PCDH9: variants seen among roughly 807,000 people sequenced by gnomAD.
PCDH9 encodes protocadherin-9.
Under a neutral mutation model 70.6 loss-of-function variants are expected in PCDH9, and 24 were observed. That is an observed-to-expected ratio of 0.34 (90% CI 0.25 to 0.48). The LOEUF (loss-of-function observed/expected upper bound fraction) is 0.48, where lower values mean the gene tolerates loss of function less well. Among genes scored for constraint, PCDH9 ranks in the 20% least tolerant of loss-of-function variants. The probability of loss-of-function intolerance (pLI) is 0.99; values close to 1 mark genes in which losing one functional copy is unlikely to be tolerated. For synonymous variants in PCDH9, 562 were observed against 558.5 expected, an observed-to-expected ratio of 1.01 and a Z score of -0.09; for missense variants, 1,281 against 1,503.6, an observed-to-expected ratio of 0.85 and a Z score of 2.45.
chr13:66,650,075 A>G (rs1365759669), intron 3 of PCDH9, among the ~76,000 whole-genome samples: 1 of 151,988 alleles, frequency 6.6e-6, no homozygotes, highest in Non-Finnish European at 1.5e-5. Flanking sequence ...AAGAAAAGAA[A>G]GAAGAGAAGG....
At chr13:66,537,330 G>A (rs1188344521) in intron 4 of PCDH9, among the ~76,000 whole-genome samples, 2 of 151,876 alleles carry the variant, frequency 1.3e-5, no homozygotes, top group East Asian at 1.9e-4. Flanking sequence ...AATCTATATC[G>A]TCCATATTAA....
At chr13:66,778,691 G>A (rs925811713) in intron 3 of PCDH9, among the ~76,000 whole-genome samples, 4 of 152,164 alleles carry the variant, frequency 2.6e-5, no homozygotes, top group Non-Finnish European at 4.4e-5. Flanking sequence ...TTTCACATAA[G>A]TCCAGACTAC....
intron 4 of PCDH9, among the ~76,000 whole-genome samples, chr13:66,490,988 T>A (rs1334056585): frequency 6.6e-6 from 1 of 152,212 alleles, no homozygotes; most frequent in East Asian, 1.9e-4. Context: ...GCTAATTAAA[T>A]CCTCAGTTTA....
At chr13:67,019,694 G>A (rs2084637154) in intron 2 of PCDH9, among the ~76,000 whole-genome samples, 2 of 152,102 alleles carry the variant, frequency 1.3e-5, no homozygotes, top group Non-Finnish European at 2.9e-5. Flanking sequence ...AAGGAGATAA[G>A]GGGTAACCTC....
At position 67,226,873 on chromosome 13, in the gene PCDH9, ACTC is replaced by A; in HGVS notation, c.1565_1567del (p.Gly522del). The A allele has an allele frequency of 6.2e-7, 1 of 1,613,946 alleles. No homozygotes were observed. Among genetic ancestry groups the A allele is most frequent in the Non-Finnish European group, 8.5e-7 (1 of 1,179,992 alleles). ...GTCAAATACTCTGGAGGCTGTCAAA[ACTC>A]CTGTTTTTCGGTCCAGATCAAAGAA... On this transcript the variant is annotated inframe_deletion, in exon 2 of 5. Coordinates refer to ENST00000377865, the MANE Select transcript of PCDH9 (RefSeq NM_203487.3). The surrounding 1 kb of genome is among the most constrained non-coding windows in gnomAD (Gnocchi z 5.0).
At chr13:66,671,117 C>G (rs2078169477) in intron 3 of PCDH9, among the ~76,000 whole-genome samples, 2 of 151,982 alleles carry the variant, frequency 1.3e-5, no homozygotes, top group Non-Finnish European at 2.9e-5. Context: ...AGGGCAGTTC[C>G]CCTCTACATG....
At chr13:66,456,005 G>T (rs894425205) in intron 4 of PCDH9, among the ~76,000 whole-genome samples, 1 of 152,078 alleles carries the variant, frequency 6.6e-6, no homozygotes, top group African/African-American at 2.4e-5. Flanking sequence ...TCATTTATCT[G>T]ATTTGAAGGT....
intron 2 of PCDH9, among the ~76,000 whole-genome samples, chr13:67,026,488 C>T (rs1289116642): frequency 6.6e-6 from 1 of 152,082 alleles, no homozygotes; most frequent in Admixed American, 6.6e-5. Context: ...GAAGCATTCC[C>T]TTTGAAAACT....
At chr13:66,900,699 CATAAT>C (rs2082263003) in intron 3 of PCDH9, among the ~76,000 whole-genome samples, 1 of 151,658 alleles carries the variant, frequency 6.6e-6, no homozygotes, top group Admixed American at 6.6e-5. Flanking sequence ...TATCTAGTGT[CATAAT>C]ATAAATTTAA....
At chr13:67,199,182 T>A (rs1299622874) in intron 2 of PCDH9, among the ~76,000 whole-genome samples, 1 of 151,604 alleles carries the variant, frequency 6.6e-6, no homozygotes, top group Non-Finnish European at 1.5e-5. Context: ...TAAGTGAATA[T>A]GTATTATAAT....
chr13:66,777,414 G>C (rs2079915201), intron 3 of PCDH9, among the ~76,000 whole-genome samples: 1 of 151,660 alleles, frequency 6.6e-6, no homozygotes, highest in Non-Finnish European at 1.5e-5. Flanking sequence ...AATCTACAAT[G>C]AACTCAAACA....
chr13:66,997,037 G>C (rs1015860084), intron 2 of PCDH9, among the ~76,000 whole-genome samples: 1 of 152,160 alleles, frequency 6.6e-6, no homozygotes, highest in Non-Finnish European at 1.5e-5. Context: ...CCTTTCAAGA[G>C]ATAACACAGA....
intron 4 of PCDH9, among the ~76,000 whole-genome samples, chr13:66,346,015 G>T (rs73505858): frequency 6.6e-6 from 1 of 151,956 alleles, no homozygotes; most frequent in Non-Finnish European, 1.5e-5. Context: ...TCTTTTCCTC[G>T]TCAGATGGTA....
intron 2 of PCDH9, among the ~76,000 whole-genome samples, chr13:67,145,611 A>G (rs560973719): frequency 6.6e-6 from 1 of 151,992 alleles, no homozygotes; most frequent in African/African-American, 2.4e-5. Context: ...AAAAAAACCC[A>G]TCTTTTGAAG....
intron 2 of PCDH9, among the ~76,000 whole-genome samples, chr13:67,182,451 C>T (rs1214893302): frequency 6.6e-6 from 1 of 152,014 alleles, no homozygotes; most frequent in East Asian, 1.9e-4. Flanking sequence ...TTCGCTATAT[C>T]TTAGTCCAAA....
intron 3 of PCDH9, among the ~76,000 whole-genome samples, chr13:66,797,960 G>GTGTGTGTGTGTGTGT (rs1555270026): frequency 2.7e-5 from 4 of 147,166 alleles, no homozygotes; most frequent in African/African-American, 1.0e-4. Context: ...TTTCTTGGGG[G>GTGTGTGTGTGTGTGT]GTGTGTGTGT....
At chr13:66,768,902 AAAAC>A (rs1281221350) in intron 3 of PCDH9, among the ~76,000 whole-genome samples, 3 of 152,216 alleles carry the variant, frequency 2.0e-5, no homozygotes, top group East Asian at 1.9e-4. Context: ...CAGATAGTGC[AAAAC>A]AAACAAACAA....
intron 4 of PCDH9, among the ~76,000 whole-genome samples, chr13:66,621,549 C>G (rs2077421635): frequency 6.6e-6 from 1 of 152,100 alleles, no homozygotes; most frequent in Non-Finnish European, 1.5e-5. Context: ...GAGGAGTCGG[C>G]GTATATGAGT....
chr13:66,730,559 T>G (rs1204719319), intron 3 of PCDH9, among the ~76,000 whole-genome samples: 1 of 152,162 alleles, frequency 6.6e-6, no homozygotes, highest in Non-Finnish European at 1.5e-5. Flanking sequence ...AACTGTATAC[T>G]ATACAATCAC....
Sources: allele counts gnomAD v4.1 joint callset (sites outside exome capture counted in the v4.1 genomes callset), GRCh38; gene constraint gnomAD v4.1.1; non-coding constraint Gnocchi (gnomAD v3.1); transcripts MANE v1.5; gene names NCBI Gene and HGNC (gene_info 2026-07-23, HGNC 2026-07-21).